Variants in ANK3 observed in about 807,000 individuals in gnomAD.
ANK3 encodes the protein ankyrin 3, also known as ankyrin-3.
Under a neutral mutation model 370.9 loss-of-function variants are expected in ANK3, and 57 were observed. The observed-to-expected ratio is 0.15, with a 90% CI of 0.12 to 0.19. The LOEUF (loss-of-function observed/expected upper bound fraction) is 0.19, where lower values mean the gene tolerates loss of function less well. Ranked by LOEUF, ANK3 falls within the 10% of genes least tolerant of loss-of-function variation. ANK3 has a pLI of 1.00. For missense variants in ANK3, 4,439 were observed against 5,302.1 expected (o/e 0.84, Z 5.06); for synonymous variants, 1,929 against 1,946.3 (o/e 0.99, Z 0.23).
chr10:60,622,942 T>C (rs1158232335), intron 1 of ANK3, among the ~76,000 whole-genome samples: 1 of 152,194 alleles, frequency 6.6e-6, no homozygotes, highest in African/African-American at 2.4e-5. Flanking sequence ...CTCAAGTGAA[T>C]TCAGTTATTT....
chr10:60,217,432 C>G (rs1416313289), intron 8 of ANK3, among the ~76,000 whole-genome samples: 1 of 152,022 alleles, frequency 6.6e-6, no homozygotes, highest in Admixed American at 6.6e-5. Context: ...GCTTTAGTTG[C>G]CTCCTAGAGA....
intron 1 of ANK3, among the ~76,000 whole-genome samples, chr10:60,377,077 T>C (rs1179026115): frequency 6.6e-6 from 1 of 152,232 alleles, no homozygotes; most frequent in African/African-American, 2.4e-5. Context: ...CAGGCAAATG[T>C]ATTTTGAGGG....
At chr10:60,618,532 G>A in intron 1 of ANK3, among the ~76,000 whole-genome samples, 1 of 152,154 alleles carries the variant, frequency 6.6e-6, no homozygotes, top group East Asian at 1.9e-4. Flanking sequence ...TACAAACACT[G>A]AAGCAGAAAA....
chr10:60,158,677 C>CTTTTTTTATTTT (rs1555028623), intron 23 of ANK3, among the ~76,000 whole-genome samples: 4 of 49,278 alleles, frequency 8.1e-5, no homozygotes, highest in African/African-American at 1.3e-4. Flanking sequence ...AGAGAAAGCA[C>CTTTTTTTATTTT]TTTTTTTCTT....
rs1354545608 is a variant in ANK3 at position 60,069,118 on chromosome 10, A to G, written c.11763T>C (p.Asp3921=). 7.4e-6 allele frequency: 12 copies of G among 1,614,126 alleles called. No individual in the cohort carries two copies. Among genetic ancestry groups the G allele is most frequent in the Admixed American group, 1.7e-5 (1 of 60,018 alleles). The change falls in exon 37 of 44, where the codon GAT becomes GAC. Residue 3921 remains aspartate, a synonymous_variant. Transcript: ENST00000280772. The stretch of plus-strand genomic sequence containing the variant: ...ATGCTTTTCTAACTGCAATTATGTT[A>G]TCCCTGTGTGTGTTTTTCACTGGAA... The part of the protein sequence containing the change: ...SRIPVKNTHR[D]NIIAVRKACA...
chr10:60,241,552 G>C (rs887380573), intron 7 of ANK3, among the ~76,000 whole-genome samples: 3 of 152,050 alleles, frequency 2.0e-5, no homozygotes, highest in Non-Finnish European at 2.9e-5. Flanking sequence ...TTGGTGCTTG[G>C]CCAAGACCCC....
chr10:60,068,580 C>T, intron 37 of ANK3, 57 bp downstream of exon 37: 1 of 1,514,360 alleles, frequency 6.6e-7, no homozygotes, highest in South Asian at 1.3e-5. Flanking sequence ...ACAAACTATG[C>T]TCGTTCTCCA....
chr10:60,069,830 G>A lies in ANK3; in HGVS notation c.11051C>T (p.Pro3684Leu), dbSNP rs1398878657. The change falls in exon 37 of 44, where the codon CCC becomes CTC. Residue 3684 changes from proline to leucine, a missense_variant. Transcript: ENST00000280772. ...NVETPTVEPNPSIPTSGECQE... is the reference protein window; with the variant it reads ...NVETPTVEPNLSIPTSGECQE... ...ACACTCTCCGCTGGTCGGGATGCTGGGGTTAGGTTCCACTGTAGGTGTCTC... is the reference window on the plus strand; with the variant it reads ...ACACTCTCCGCTGGTCGGGATGCTGAGGTTAGGTTCCACTGTAGGTGTCTC... 1 of 1,614,060 alleles carries A rather than the reference G, an allele frequency of 6.2e-7. No individual in the cohort carries two copies. Among genetic ancestry groups the A allele is most frequent in the Non-Finnish European group, 8.5e-7 (1 of 1,180,012 alleles).
chr10:60,453,620 C>T (rs2064667400), intron 2 of ANK3, among the ~76,000 whole-genome samples: 1 of 151,992 alleles, frequency 6.6e-6, no homozygotes. Context: ...AAGTTAAACT[C>T]CTCATTACTT....
intron 1 of ANK3, among the ~76,000 whole-genome samples, chr10:60,342,631 G>A (rs2169081): frequency 0.69 from 105,003 of 152,012 alleles, 37,755 homozygotes; most frequent in South Asian, 0.91. Flanking sequence ...ATTTTCTTGG[G>A]TCGAAGTCAG....
At chr10:60,466,999 G>A (rs2065025540) in intron 2 of ANK3, among the ~76,000 whole-genome samples, 1 of 152,086 alleles carries the variant, frequency 6.6e-6, no homozygotes, top group Non-Finnish European at 1.5e-5. Context: ...TTAGATAGTA[G>A]TGACGGTGAC....
Position 60,198,426 on chromosome 10 carries a change from G to A in ANK3, c.1603C>T (p.Pro535Ser). The A allele has an allele frequency of 2.5e-6, 4 of 1,614,198 alleles. No individual in the cohort carries two copies. The South Asian group carries it at 4.4e-5, about 18-fold the overall frequency. Residue 535 changes from proline (P) to serine (S), a missense_variant, in exon 14 of 44, where the codon CCA (proline) becomes TCA (serine). Physicochemically the swap from Pro to Ser is moderately conservative, Grantham distance 74. This residue lies in a region of ANK3 where 227 missense variants were observed against 377.6 expected (regional missense o/e 0.60). Transcript: ENST00000280772. ...CCCTCTCGGGCGGAAAGGTGAAGTGGGGTGTACCCAGAAGTTGTGGCTGCA... is the reference window on the plus strand; with the variant it reads ...CCCTCTCGGGCGGAAAGGTGAAGTGAGGTGTACCCAGAAGTTGTGGCTGCA... ...PNAATTSGYT[P>S]LHLSAREGHE...
chr10:60,700,371 A>C (rs141753885), intron 1 of ANK3, among the ~76,000 whole-genome samples: 2 of 152,206 alleles, frequency 1.3e-5, no homozygotes, highest in African/African-American at 4.8e-5. Context: ...AATATAAAAC[A>C]CACTTTAAGG....
At chr10:60,620,988 G>A (rs546528868) in intron 1 of ANK3, among the ~76,000 whole-genome samples, 119 of 152,212 alleles carry the variant, frequency 7.8e-4, no homozygotes, top group African/African-American at 2.7e-3. Context: ...TAAATTGCCC[G>A]AAGTTACGCA....
chr10:60,558,451 T>C (rs1450038351), intron 2 of ANK3, among the ~76,000 whole-genome samples: 1 of 152,174 alleles, frequency 6.6e-6, no homozygotes, highest in Non-Finnish European at 1.5e-5. Flanking sequence ...GAATCTCATA[T>C]TCCTTGCAGC....
chr10:60,393,085 A>G (rs1474438213), upstream of ANK3, among the ~76,000 whole-genome samples: 3 of 152,256 alleles, frequency 2.0e-5, no homozygotes, highest in African/African-American at 7.2e-5. Flanking sequence ...AAAATGTAGT[A>G]CAGAGAGATC....
At chr10:60,550,651 A>T (rs2077069378) in intron 2 of ANK3, among the ~76,000 whole-genome samples, 1 of 152,110 alleles carries the variant, frequency 6.6e-6, no homozygotes, top group African/African-American at 2.4e-5. Flanking sequence ...AAGTATAAAC[A>T]TTAAAAAATA....
At chr10:60,053,723 T>C in intron 42 of ANK3, 1 of 1,303,894 alleles carries the variant, frequency 7.7e-7, no homozygotes, top group East Asian at 5.5e-5. Flanking sequence ...ACCCGGACTT[T>C]TGACCTGATT....
At chr10:60,524,695 AGACTAATACAACCACAAAAGCTGCT>A (rs1453403977) in intron 2 of ANK3, among the ~76,000 whole-genome samples, 3 of 152,120 alleles carry the variant, frequency 2.0e-5, no homozygotes, top group Non-Finnish European at 4.4e-5. Context: ...GCATGAAAAC[AGACTAATACAACCACAAAAGCTGCT>A]GACTAAAACC....
Sources: allele counts gnomAD v4.1 joint callset (sites outside exome capture counted in the v4.1 genomes callset), GRCh38; gene constraint gnomAD v4.1.1; regional missense constraint gnomAD v4.1.1; transcripts MANE v1.5; gene names NCBI Gene and HGNC (gene_info 2026-07-23, HGNC 2026-07-21).